Variants in RAB13 observed in about 807,000 individuals in gnomAD.
RAB13 encodes the protein ras-related protein Rab-13.
A neutral mutation model predicts 29.3 loss-of-function variants in RAB13; 15 were observed. That is an observed-to-expected ratio of 0.51 (90% CI 0.34 to 0.79). The LOEUF is 0.79. Ranked by LOEUF, RAB13 falls within the 30% of genes least tolerant of loss-of-function variation. The pLI is 0.01. For synonymous variants in RAB13, 82 were observed against 93.8 expected (o/e 0.87, Z 0.73); for missense variants, 186 against 255.5 (o/e 0.73, Z 1.85).
upstream of RAB13, chr1:153,990,642 G>T (rs574649188): frequency 5.2e-5 from 48 of 929,806 alleles, no homozygotes; most frequent in Non-Finnish European, 8.1e-5. Flanking sequence ...GAAAATGGCA[G>T]CTCCCTTGTC....
At chr1:153,982,689 T>C (rs1649025572) in intron 5 of RAB13, 30 bp downstream of exon 5, 2 of 1,613,352 alleles carry the variant, frequency 1.2e-6, no homozygotes, top group East Asian at 2.2e-5. Context: ...CCCAGCCCAG[T>C]TCTAGAACAT....
At position 153,982,071 on chromosome 1, in the gene RAB13, T is replaced by C. The variant is rs574680321; in HGVS notation, c.*28A>G. 2.5e-6 allele frequency: 4 copies of C among 1,601,802 alleles called. No individual in the cohort carries two copies. In the African/African-American group the frequency reaches 5.4e-5, roughly 21 times the overall value. On this transcript the variant is annotated 3_prime_UTR_variant, in exon 8 of 8. Coordinates refer to ENST00000368575, the MANE Select transcript of RAB13 (RefSeq NM_002870.5). ...GCCGTTGTCTCCCTCAGGTTCAGCT[T>C]CCGGGGTGGGGAGGCAAGAAAGGGT...
upstream of RAB13, among the ~76,000 whole-genome samples, chr1:153,989,073 C>T (rs1484037213): frequency 6.9e-6 from 1 of 144,400 alleles, no homozygotes; most frequent in African/African-American, 2.5e-5. Flanking sequence ...GCGCCTGCCA[C>T]GACGCCCAGC....
intron 1 of RAB13, chr1:153,985,076 A>G: frequency 8.9e-7 from 1 of 1,124,008 alleles, no homozygotes; most frequent in Non-Finnish European, 1.1e-6. Context: ...CAGTTATACC[A>G]GCTGACAACT....
chr1:153,987,300 A>C (rs180806778), upstream of RAB13, among the ~76,000 whole-genome samples: 2 of 151,780 alleles, frequency 1.3e-5, no homozygotes, highest in Non-Finnish European at 2.9e-5. Context: ...AGGTCAGGAG[A>C]TCGAGACCAT....
At chr1:153,986,052 C>A in intron 1 of RAB13, 61 bp downstream of exon 1, 1 of 1,604,748 alleles carries the variant, frequency 6.2e-7, no homozygotes, top group South Asian at 1.1e-5. Flanking sequence ...ACTAGTAATC[C>A]GGGAGCCGGA....
At position 153,983,064 on chromosome 1, in the gene RAB13, G is replaced by T. The variant is rs1487518236; in HGVS notation, c.324+155C>A. On this transcript the variant is annotated intron_variant, in intron 4 of 7. Transcript: ENST00000368575. ...CGTTTGAACCTGGGAGGCAGAGGTT[G>T]CAGTGAGCCGAGATCCTGCCATTGC... 9 of 772,916 alleles carry T rather than the reference G, an allele frequency of 1.2e-5. No individual in the cohort carries two copies. The African/African-American group carries it at 1.4e-4, about 12-fold the overall frequency. 47.9% of individuals were successfully genotyped at this position (772,916 alleles called of 1,614,324 possible). A position where few individuals can be genotyped will look rare whatever the true frequency, so the allele number is the denominator to read the frequency against.
intron 2 of RAB13, among the ~76,000 whole-genome samples, chr1:153,984,246 G>C (rs898119898): frequency 6.6e-6 from 1 of 151,548 alleles, no homozygotes; most frequent in South Asian, 2.1e-4. Flanking sequence ...AGGTCAGGCA[G>C]GAGATAACTA....
At chr1:153,990,416 A>T (rs375799828), upstream of RAB13, among the ~76,000 whole-genome samples, 1 of 152,344 alleles carries the variant, frequency 6.6e-6, no homozygotes, top group Non-Finnish European at 1.5e-5. Context: ...ATAGGTATTT[A>T]AAAAATAGGA....
upstream of RAB13, among the ~76,000 whole-genome samples, chr1:153,990,389 GAA>G (rs1225650554): frequency 6.6e-6 from 1 of 152,144 alleles, no homozygotes; most frequent in African/African-American, 2.4e-5. Context: ...TAAACCAATA[GAA>G]AAAGAGTTAA....
At chr1:153,988,492 C>T (rs1008664417), upstream of RAB13, among the ~76,000 whole-genome samples, 10 of 148,504 alleles carry the variant, frequency 6.7e-5, no homozygotes, top group African/African-American at 4.9e-5. Flanking sequence ...GGGGTTTCAC[C>T]GTGTTAGCCA....
chr1:153,982,074 G>C lies in RAB13; in HGVS notation c.*25C>G, dbSNP rs944725884. The C allele has an allele frequency of 6.2e-7, 1 of 1,603,722 alleles. No individual in the cohort carries two copies. The highest frequency in any genetic ancestry group is 1.7e-5 in the Admixed American group (1 of 59,982). On this transcript the variant is annotated 3_prime_UTR_variant, in exon 8 of 8. Transcript: ENST00000368575. Reference sequence around the variant, plus strand: ...GTTGTCTCCCTCAGGTTCAGCTTCCGGGGTGGGGAGGCAAGAAAGGGTCCT... The same window carrying C: ...GTTGTCTCCCTCAGGTTCAGCTTCCCGGGTGGGGAGGCAAGAAAGGGTCCT...
At chr1:153,983,166 C>G in intron 4 of RAB13, 53 bp downstream of exon 4, 1 of 1,505,576 alleles carries the variant, frequency 6.6e-7, no homozygotes, top group East Asian at 2.3e-5. Context: ...TGATGGACCC[C>G]TTCATTCTCC....
Position 153,981,726 on chromosome 1 carries a change from G to A in RAB13, c.*373C>T, listed in dbSNP as rs2102189296. On this transcript the variant is annotated 3_prime_UTR_variant, in exon 8 of 8. Coordinates refer to ENST00000368575, the MANE Select transcript of RAB13 (RefSeq NM_002870.5). ...GAACAGGAGCAAATTCCCTAGTGTA[G>A]TGCCGAGCTAGCCTTTTGCAGGACC... is the stretch of plus-strand genomic sequence containing the variant. 3.9e-6 allele frequency: 1 copy of A among 256,790 alleles called. No homozygotes were observed. Among genetic ancestry groups the A allele is most frequent in the Non-Finnish European group, 7.6e-6 (1 of 131,370 alleles). 15.9% of individuals were successfully genotyped at this position (256,790 alleles called of 1,614,324 possible).
At chr1:153,985,432 T>C in intron 1 of RAB13, 3 of 950,530 alleles carry the variant, frequency 3.2e-6, no homozygotes, top group Non-Finnish European at 3.8e-6. Context: ...TAGTAGAAAC[T>C]TGGGCACCTC....
Position 153,982,524 on chromosome 1 carries a change from G to A in RAB13, c.480+11C>T, listed in dbSNP as rs1282907268. On this transcript the variant is annotated intron_variant, in intron 6 of 7. Transcript: ENST00000368575. ...TCCTCTCTTGGTCGGGGATGGGGGT[G>A]TGGATCTCACCTCATCCACATTCAT... is the stretch of plus-strand genomic sequence containing the variant. 2 of 1,611,552 alleles carry A rather than the reference G, an allele frequency of 1.2e-6. No individual in the cohort carries two copies. The highest frequency in any genetic ancestry group is 2.7e-5 in the African/African-American group (2 of 74,858).
chr1:153,989,508 C>T (rs2147865076), upstream of RAB13, among the ~76,000 whole-genome samples: 1 of 151,936 alleles, frequency 6.6e-6, no homozygotes, highest in East Asian at 2.0e-4. Context: ...CTCGGCCTCC[C>T]AAAGTGCTGG....
At position 153,983,099 on chromosome 1, in the gene RAB13, C is replaced by T. The variant is rs1195248708; in HGVS notation, c.324+120G>A. On this transcript the variant is annotated intron_variant, in intron 4 of 7. Transcript: ENST00000368575. Reference sequence around the variant, plus strand: ...GAGATCCTGCCATTGCACTCCAGCCCGGGCAACAAGAGCAAAACTTCATCT... The same window carrying T: ...GAGATCCTGCCATTGCACTCCAGCCTGGGCAACAAGAGCAAAACTTCATCT... 12 of 927,450 alleles carry T rather than the reference C, an allele frequency of 1.3e-5. No homozygotes were observed. The highest frequency in any genetic ancestry group is 4.8e-5 in the East Asian group (2 of 41,652). The allele number at this position is 927,450 out of a possible 1,614,324, so 57.5% of individuals were successfully genotyped here.
upstream of RAB13, chr1:153,986,351 C>A: frequency 1.2e-6 from 1 of 829,722 alleles, no homozygotes; most frequent in Non-Finnish European, 1.9e-6. Flanking sequence ...AGTTTTCCTC[C>A]CTCTCCGCCC....
Sources: gnomAD v4.1 joint callset for allele counts (sites outside exome capture counted in the v4.1 genomes callset) on GRCh38, gnomAD v4.1.1 for gene constraint, MANE v1.5 for transcripts, NCBI Gene and HGNC (gene_info 2026-07-23, HGNC 2026-07-21) for gene names.